MAP4K4: variants seen among roughly 807,000 people sequenced by gnomAD.
MAP4K4 encodes mitogen-activated protein kinase kinase kinase kinase 4.
Under a neutral mutation model 189.6 loss-of-function variants are expected in MAP4K4, and 38 were observed. The observed-to-expected ratio is 0.20, with a 90% CI of 0.15 to 0.26. MAP4K4 has a LOEUF of 0.26. Ranked by LOEUF, MAP4K4 falls within the 10% of genes least tolerant of loss-of-function variation. MAP4K4 has a pLI of 1.00. For missense variants in MAP4K4, 1,054 were observed against 1,726.9 expected, an observed-to-expected ratio of 0.61 and a Z score of 6.91; for synonymous variants, 610 against 624.3, an observed-to-expected ratio of 0.98 and a Z score of 0.34.
chr2:101,719,005 A>T (rs901052641), intron 2 of MAP4K4, among the ~76,000 whole-genome samples: 3 of 152,206 alleles, frequency 2.0e-5, no homozygotes, highest in African/African-American at 7.2e-5. Context: ...CTGTACATTC[A>T]AATCAATGAT....
exon 33 of MAP4K4, chr2:101,891,179 C>T: frequency 6.2e-7 from 1 of 1,613,818 alleles, no homozygotes; most frequent in Non-Finnish European, 8.5e-7. Context: ...TTCTTTGCCT[C>T]TGTTCGGTCT....
At chr2:101,867,164 C>T in intron 19 of MAP4K4, 48 bp from the exon 20 acceptor site, 1 of 1,208,794 alleles carries the variant, frequency 8.3e-7, no homozygotes, top group African/African-American at 1.5e-5. Context: ...AATACACATC[C>T]ATATGTTGAT....
intron 2 of MAP4K4, among the ~76,000 whole-genome samples, chr2:101,750,729 A>C (rs147880280): frequency 0.067 from 10,144 of 151,370 alleles, 433 homozygotes; most frequent in African/African-American, 0.12. Context: ...GGAGGCTGAG[A>C]TGGGAGAATT....
chr2:101,745,711 A>G (rs1011313887), intron 2 of MAP4K4, among the ~76,000 whole-genome samples: 1 of 152,142 alleles, frequency 6.6e-6, no homozygotes, highest in Non-Finnish European at 1.5e-5. Flanking sequence ...GCCTAGCTGA[A>G]TATCAGGGTT....
At chr2:101,820,293 T>G (rs1180827231) in intron 3 of MAP4K4, among the ~76,000 whole-genome samples, 2 of 152,166 alleles carry the variant, frequency 1.3e-5, no homozygotes, top group Non-Finnish European at 2.9e-5. Flanking sequence ...TGGAAATAGT[T>G]TAGCCACTGC....
chr2:101,841,486 G>A (rs1255902036), intron 10 of MAP4K4, among the ~76,000 whole-genome samples: 1 of 149,342 alleles, frequency 6.7e-6, no homozygotes, highest in African/African-American at 2.5e-5. Flanking sequence ...TTTTTTTGGA[G>A]ACAGAGTCTT....
intron 9 of MAP4K4, among the ~76,000 whole-genome samples, chr2:101,839,194 A>C (rs2096849330): frequency 6.6e-6 from 1 of 152,224 alleles, no homozygotes; most frequent in African/African-American, 2.4e-5. Flanking sequence ...GGCATGGAGA[A>C]ACAGGAAGAA....
chr2:101,739,027 T>C (rs2061570753), intron 2 of MAP4K4, among the ~76,000 whole-genome samples: 1 of 152,118 alleles, frequency 6.6e-6, no homozygotes, highest in Non-Finnish European at 1.5e-5. Flanking sequence ...GGTAAGGCAT[T>C]CGTTTTATTC....
At chr2:101,890,020 T>C (rs1049693839) in intron 32 of MAP4K4, among the ~76,000 whole-genome samples, 10 of 152,236 alleles carry the variant, frequency 6.6e-5, no homozygotes, top group Non-Finnish European at 1.0e-4. Context: ...GCTTGTTGGC[T>C]TATACTTTCC....
chr2:101,776,650 A>G (rs2084341850), intron 2 of MAP4K4, among the ~76,000 whole-genome samples: 1 of 137,914 alleles, frequency 7.3e-6, no homozygotes, highest in Non-Finnish European at 1.5e-5. Flanking sequence ...GGGAGGATTT[A>G]TTGCCAGGGA....
chr2:101,710,520 A>G (rs1306055943), intron 2 of MAP4K4, among the ~76,000 whole-genome samples: 1 of 152,184 alleles, frequency 6.6e-6, no homozygotes, highest in Non-Finnish European at 1.5e-5. Context: ...TGTGCCAGGC[A>G]CCATGCGAGG....
chr2:101,805,369 C>T (rs962618773), intron 3 of MAP4K4, among the ~76,000 whole-genome samples: 1 of 152,184 alleles, frequency 6.6e-6, no homozygotes, highest in Non-Finnish European at 1.5e-5. Context: ...CCATACGGTA[C>T]TCTGTGTCTG....
intron 2 of MAP4K4, among the ~76,000 whole-genome samples, chr2:101,750,710 A>G (rs929935125): frequency 6.6e-6 from 1 of 151,844 alleles, no homozygotes; most frequent in African/African-American, 2.4e-5. Context: ...CTGTAATCCT[A>G]GCTACTCAGG....
At chr2:101,873,572 G>T in intron 24 of MAP4K4, 75 bp from the exon 25 acceptor site, 1 of 789,610 alleles carries the variant, frequency 1.3e-6, no homozygotes. Context: ...ATATAGAAGT[G>T]AATTGAAATG....
chr2:101,767,611 G>T (rs2079173230), intron 2 of MAP4K4, among the ~76,000 whole-genome samples: 1 of 152,112 alleles, frequency 6.6e-6, no homozygotes, highest in African/African-American at 2.4e-5. Flanking sequence ...TAATCATTTG[G>T]TGTGAACCAA....
At chr2:101,698,625 C>A in intron 2 of MAP4K4, 87 bp downstream of exon 2, 3 of 1,315,340 alleles carry the variant, frequency 2.3e-6, no homozygotes, top group Non-Finnish European at 3.3e-6. Flanking sequence ...ATGCTGCTGA[C>A]TGGAGGCCAC....
chr2:101,859,322 C>G (rs961380118), intron 14 of MAP4K4, among the ~76,000 whole-genome samples: 8 of 152,182 alleles, frequency 5.3e-5, no homozygotes, highest in Non-Finnish European at 5.9e-5. Context: ...TTGAACAGAA[C>G]TTGGCACTCA....
intron 27 of MAP4K4, among the ~76,000 whole-genome samples, chr2:101,880,087 T>A (rs758180444): frequency 1.3e-5 from 2 of 152,190 alleles, no homozygotes; most frequent in African/African-American, 2.4e-5. Context: ...ATTTTGGATC[T>A]AAGTTTCTGA....
chr2:101,792,838 T>C (rs1202073639), intron 3 of MAP4K4, among the ~76,000 whole-genome samples: 2 of 152,174 alleles, frequency 1.3e-5, no homozygotes, highest in African/African-American at 4.8e-5. Flanking sequence ...TTCACCATAT[T>C]GGCCAGGCTG....
Sources: gnomAD v4.1 joint callset for allele counts (sites outside exome capture counted in the v4.1 genomes callset) on GRCh38, gnomAD v4.1.1 for gene constraint, MANE v1.5 for transcripts, NCBI Gene and HGNC (gene_info 2026-07-23, HGNC 2026-07-21) for gene names.